The following PCBP3 variants were observed in gnomAD, a reference collection of about 807,000 sequenced individuals.
The protein encoded by PCBP3 is poly(rC)-binding protein 3.
PCBP3 carries 25 observed loss-of-function variants against 52.7 expected under a neutral mutation model. The observed-to-expected ratio is 0.47, with a 90% CI of 0.35 to 0.66. PCBP3 has a LOEUF of 0.66. Ranked by LOEUF, PCBP3 falls within the 30% of genes least tolerant of loss-of-function variation. The pLI is 0.01. For synonymous variants in PCBP3, 162 were observed against 183.0 expected (o/e 0.89, Z 0.93); for missense variants, 391 against 490.3 (o/e 0.80, Z 1.91).
At chr21:45,902,829 C>T (rs1430237506) in intron 9 of PCBP3, among the ~76,000 whole-genome samples, 1 of 152,260 alleles carries the variant, frequency 6.6e-6, no homozygotes, top group Non-Finnish European at 1.5e-5. Context: ...CAATCACCCA[C>T]CGCTGCTTGT....
chr21:45,858,200 T>C (rs759127528), intron 5 of PCBP3: 6 of 152,326 alleles, frequency 3.9e-5, no homozygotes, highest in African/African-American at 7.2e-5. Context: ...CAGAAGTTAC[T>C]GTAGGACCTG....
chr21:45,706,367 C>T (rs142304367), intron 2 of PCBP3, among the ~76,000 whole-genome samples: 1 of 152,298 alleles, frequency 6.6e-6, no homozygotes, highest in East Asian at 1.9e-4. Flanking sequence ...GCTGACGTTA[C>T]AGTATGCAGA....
rs2093615016 is a variant in PCBP3 at position 45,837,469 on chromosome 21, T to C, written c.-125-12492T>C. On this transcript the variant is annotated intron_variant, in intron 4 of 17. Coordinates refer to ENST00000681687, the MANE Select transcript of PCBP3 (RefSeq NM_001384156.1). The surrounding 1 kb of genome is among the most constrained non-coding windows in gnomAD (Gnocchi z 4.1). ...GCTGTGAGAACAGGCCACGGCGCCC[T>C]AGCTTCAGGTTATAGGGCATGGCTA... Among the ~76,000 whole-genome samples the C allele has an allele frequency of 6.6e-6, 1 of 152,186 alleles. No individual in the cohort carries two copies. The highest frequency in any genetic ancestry group is 1.5e-5 in the Non-Finnish European group (1 of 68,042).
intron 2 of PCBP3, among the ~76,000 whole-genome samples, chr21:45,703,079 C>T (rs1569133182): frequency 6.6e-6 from 1 of 152,138 alleles, no homozygotes; most frequent in Non-Finnish European, 1.5e-5. Flanking sequence ...TCAGGCTCCA[C>T]TTCTAATTCT....
chr21:45,791,329 A>G lies in PCBP3; in HGVS notation c.-126+35877A>G, dbSNP rs2091545733. ...GGGAGCATGGCCAGCCCAGGGAGTG[A>G]GTGTGGTCACTGGTGTGTGTGGCCT... On this transcript the variant is annotated intron_variant, in intron 4 of 17. Coordinates refer to ENST00000681687, the MANE Select transcript of PCBP3 (RefSeq NM_001384156.1). The surrounding 1 kb of genome is among the most constrained non-coding windows in gnomAD (Gnocchi z 4.2). Among the ~76,000 whole-genome samples the G allele has an allele frequency of 6.6e-6, 1 of 152,078 alleles. No individual in the cohort carries two copies.
chr21:45,655,766 A>T (rs1456207542), intron 1 of PCBP3, among the ~76,000 whole-genome samples: 5 of 152,202 alleles, frequency 3.3e-5, no homozygotes, highest in Non-Finnish European at 7.3e-5. Context: ...TCCATCTGAC[A>T]ACGGTCTAAT....
At chr21:45,849,292 G>A (rs868420514) in intron 4 of PCBP3, among the ~76,000 whole-genome samples, 6 of 141,242 alleles carry the variant, frequency 4.2e-5, no homozygotes, top group African/African-American at 7.9e-5. Flanking sequence ...TGCAACCCCC[G>A]CCTCCTGGGT....
In PCBP3 at chr21:45,833,996, G is replaced by GATGTT. The variant is rs535081358; in HGVS notation, c.-125-15962_-125-15958dup. On this transcript the variant is annotated intron_variant, in intron 4 of 17. Transcript: ENST00000681687. ...TGTCACCACCTCTGAGGATGGCGTG[G>GATGTT]ATGTTATCTGGTCACCAGAAGGAAA... 1.6e-3 allele frequency among the ~76,000 whole-genome samples: 244 copies of GATGTT among 152,350 alleles called. 2 individuals carry two copies. Among genetic ancestry groups the GATGTT allele is most frequent in the African/African-American group, 5.7e-3 (236 of 41,590 alleles).
In PCBP3 at chr21:45,909,480, C is replaced by G. The variant is rs1404753356; in HGVS notation, c.465C>G (p.Ile155Met). The G allele has an allele frequency of 2.5e-6, 4 of 1,612,646 alleles. No homozygotes were observed. The highest frequency in any genetic ancestry group is 3.3e-5 in the Admixed American group (2 of 59,976). The change falls in exon 10 of 18, where the codon ATC (isoleucine) becomes ATG (methionine). Residue 155 changes from isoleucine (I) to methionine (M), a missense_variant. Transcript: ENST00000681687. ...IGKGGSKIKEIRESTGAQVQV... is the reference protein window; with the variant it reads ...IGKGGSKIKEMRESTGAQVQV... ...AAGGAGGCTCCAAGATCAAGGAGAT[C>G]AGGGAGGTAACAGGACCTTCCCAGC...
chr21:45,670,155 G>A (rs559896382), intron 2 of PCBP3, among the ~76,000 whole-genome samples: 51 of 151,954 alleles, frequency 3.4e-4, no homozygotes, highest in Admixed American at 5.9e-4. Context: ...TATTCTAATG[G>A]GTATGAGGTG....
intron 5 of PCBP3, among the ~76,000 whole-genome samples, chr21:45,856,122 A>AT (rs2094285646): frequency 6.6e-6 from 1 of 152,250 alleles, no homozygotes; most frequent in South Asian, 2.1e-4. Context: ...AAGAACCTGT[A>AT]TTAACATAAC....
chr21:45,650,720 T>G (rs1443817403), intron 1 of PCBP3, among the ~76,000 whole-genome samples: 1 of 152,146 alleles, frequency 6.6e-6, no homozygotes, highest in African/African-American at 2.4e-5. Context: ...CTCCCAAATG[T>G]CATAGTTTTG....
chr21:45,922,649 A>C (rs1038568368), intron 13 of PCBP3, among the ~76,000 whole-genome samples: 1 of 152,254 alleles, frequency 6.6e-6, no homozygotes, highest in Admixed American at 6.5e-5. Flanking sequence ...CATCATTTAA[A>C]GGGGATGTTG....
intron 4 of PCBP3, among the ~76,000 whole-genome samples, chr21:45,782,000 G>A (rs1009382967): frequency 2.6e-5 from 4 of 152,204 alleles, no homozygotes; most frequent in East Asian, 3.9e-4. Flanking sequence ...CGTCAGTGCC[G>A]TTATGTGTAT....
At position 45,827,336 on chromosome 21, in the gene PCBP3, T is replaced by C. The variant is rs2093335149; in HGVS notation, c.-125-22625T>C. Among the ~76,000 whole-genome samples the C allele has an allele frequency of 6.6e-6, 1 of 152,104 alleles. No homozygotes were observed. Among genetic ancestry groups the C allele is most frequent in the Non-Finnish European group, 1.5e-5 (1 of 68,030 alleles). ...AATGAGATAAAAGAAGATCTGGACA[T>C]GATCATCACGTCACATCACATGGCC... is the stretch of plus-strand genomic sequence containing the variant. On this transcript the variant is annotated intron_variant, in intron 4 of 17. Coordinates refer to ENST00000681687, the MANE Select transcript of PCBP3 (RefSeq NM_001384156.1). This position sits in a 1 kb window ranked among gnomAD's most constrained non-coding sequence, Gnocchi z 4.3.
intron 9 of PCBP3, among the ~76,000 whole-genome samples, chr21:45,902,254 CT>C (rs2096075704): frequency 1.4e-5 from 1 of 70,806 alleles, no homozygotes; most frequent in East Asian, 2.9e-4. Context: ...AGGCTGGACA[CT>C]GCAGACACTG....
intron 1 of PCBP3, among the ~76,000 whole-genome samples, chr21:45,646,099 C>CTCTCTCTCTCTCTT (rs2079270362): frequency 1.2e-5 from 1 of 85,444 alleles, no homozygotes; most frequent in Non-Finnish European, 2.5e-5. Context: ...CTCTCTCTCT[C>CTCTCTCTCTCTCTT]TCTCTCTCTG....
At chr21:45,644,988 C>T (rs750264818) in intron 1 of PCBP3, among the ~76,000 whole-genome samples, 3 of 152,316 alleles carry the variant, frequency 2.0e-5, no homozygotes, top group Middle Eastern at 6.8e-3. Flanking sequence ...CAGTCCTCCT[C>T]ATATTCAAGA....
rs113361918 is a variant in PCBP3 at position 45,810,213 on chromosome 21, C to G, written c.-125-39748C>G. ...GTGTAAACCCTACTTGGTCGTGATT[C>G]GATTCTGTGTGTGTGTGTGTGTGTG... On this transcript the variant is annotated intron_variant, in intron 4 of 17. Transcript: ENST00000681687. 9.3e-3 allele frequency among the ~76,000 whole-genome samples: 948 copies of G among 101,732 alleles called. 12 individuals carry two copies. Among genetic ancestry groups the G allele is most frequent in the African/African-American group, 0.035 (860 of 24,412 alleles). The allele number at this position is 101,732 out of a possible 152,430, so 66.7% of individuals were successfully genotyped here. A position where few individuals can be genotyped will look rare whatever the true frequency, so the allele number is the denominator to read the frequency against.
Sources: gnomAD v4.1 joint callset for allele counts (sites outside exome capture counted in the v4.1 genomes callset) on GRCh38, gnomAD v4.1.1 for gene constraint, Gnocchi (gnomAD v3.1) non-coding constraint, MANE v1.5 for transcripts, NCBI Gene and HGNC (gene_info 2026-07-23, HGNC 2026-07-21) for gene names.